Variants in SNX19 observed in about 807,000 individuals in gnomAD.
The protein encoded by SNX19 is sorting nexin 19.
Under a neutral mutation model 85.2 loss-of-function variants are expected in SNX19, and 60 were observed. That is an observed-to-expected ratio of 0.70 (90% confidence interval 0.57 to 0.87). The LOEUF (loss-of-function observed/expected upper bound fraction) is 0.87. Among genes scored for constraint, SNX19 ranks in the 40% least tolerant of loss-of-function variants. The pLI is 0.00. For synonymous variants in SNX19, 520 were observed against 470.0 expected (o/e 1.11, Z -1.38); for missense variants, 1,201 against 1,217.8 (o/e 0.99, Z 0.21).
Position 130,877,017 on chromosome 11 carries a change from C to T in SNX19, c.*1405G>A, listed in dbSNP as rs1207639535. On this transcript the variant is annotated 3_prime_UTR_variant, in exon 11 of 11. Coordinates refer to ENST00000265909, the MANE Select transcript of SNX19 (RefSeq NM_014758.3). ...ACCACTTTAATTGTGTGCTCATCACCGACTTCAGAATCTAAGAGAACTTTG... is the reference window on the plus strand; with the variant it reads ...ACCACTTTAATTGTGTGCTCATCACTGACTTCAGAATCTAAGAGAACTTTG... 2.6e-5 allele frequency: 4 copies of T among 152,200 alleles called. No individual in the cohort carries two copies. Among genetic ancestry groups the T allele is most frequent in the Admixed American group, 1.3e-4 (2 of 15,282 alleles). The allele number at this position is 152,200 out of a possible 1,614,324, so 9.4% of individuals were successfully genotyped here.
rs749101712 is a variant in SNX19, at chr11:130,915,168, C to A, written c.772G>T (p.Asp258Tyr). 171 of 1,614,080 alleles carry A rather than the reference C, an allele frequency of 1.1e-4. 1 individual carries two copies. The highest frequency in any genetic ancestry group is 9.0e-4 in the Admixed American group (54 of 60,006). ...LPLISRLSDPDWIHLVLVGIF... is the reference protein window; with the variant it reads ...LPLISRLSDPYWIHLVLVGIF... ...CCCACGAGTACAAGGTGGATCCAGT[C>A]AGGATCTGACAGCCTGCTGATCAGT... Residue 258 changes from aspartate to tyrosine, a missense_variant, in exon 1 of 11, where the codon GAC becomes TAC. Transcript: ENST00000265909.
At chr11:130,885,252 C>T (rs571457847) in intron 8 of SNX19, among the ~76,000 whole-genome samples, 3 of 152,296 alleles carry the variant, frequency 2.0e-5, no homozygotes, top group African/African-American at 7.2e-5. Context: ...TTATGCCAGA[C>T]AGGGGAGAAG....
rs778240108 is a variant in SNX19, at chr11:130,914,848, G to A, written c.1092C>T (p.Pro364=). ...SHFLQPNVRG[P]LFLCEDSELE... ...GCTCTGAGTCTTCACATAAGAACAG[G>A]GGACCTCGAACATTTGGCTGTAGGA... Residue 364 remains proline, a synonymous_variant, in exon 1 of 11, where the codon CCC becomes CCT. Coordinates refer to ENST00000265909, the MANE Select transcript of SNX19 (RefSeq NM_014758.3). The A allele has an allele frequency of 6.2e-7, 1 of 1,614,142 alleles. No individual in the cohort carries two copies. Among genetic ancestry groups the A allele is most frequent in the Non-Finnish European group, 8.5e-7 (1 of 1,180,016 alleles).
In SNX19 at chr11:130,875,785, T is replaced by A. The variant is rs578201029; in HGVS notation, c.*2637A>T. 6.6e-6 allele frequency: 1 copy of A among 152,144 alleles called. No homozygotes were observed. Among genetic ancestry groups the A allele is most frequent in the Non-Finnish European group, 1.5e-5 (1 of 68,038 alleles). The allele number at this position is 152,144 out of a possible 1,614,324, so 9.4% of individuals were successfully genotyped here. ...GTGCAGCACACCAACACGGCACATG[T>A]ATACATATGCAACAAACCTGCATGT... On this transcript the variant is annotated 3_prime_UTR_variant, in exon 11 of 11. Transcript: ENST00000265909.
chr11:130,898,140 C>T (rs1333078017), intron 8 of SNX19, among the ~76,000 whole-genome samples: 2 of 139,564 alleles, frequency 1.4e-5, no homozygotes, highest in Non-Finnish European at 3.1e-5. Flanking sequence ...GTTATGAGGT[C>T]GAACTTACTC....
rs1368876807 is a variant in SNX19, at chr11:130,870,549, T to C, written c.*7873A>G. On this transcript the variant is annotated 3_prime_UTR_variant, in exon 11 of 11. Transcript: ENST00000265909. ...TGTCTGGGGCAGGTCTGGTACAGACTAGCCAGTGCCCTCCACTGGAATAAG... is the reference window on the plus strand; with the variant it reads ...TGTCTGGGGCAGGTCTGGTACAGACCAGCCAGTGCCCTCCACTGGAATAAG... Among the ~76,000 whole-genome samples the C allele has an allele frequency of 6.6e-6, 1 of 152,232 alleles. No homozygotes were observed. Among genetic ancestry groups the C allele is most frequent in the Non-Finnish European group, 1.5e-5 (1 of 68,036 alleles).
rs754364825 is a variant in SNX19 at position 130,911,696 on chromosome 11, G to T, written c.1750C>A (p.Arg584=). 6.2e-7 allele frequency: 1 copy of T among 1,614,148 alleles called. No homozygotes were observed. The change falls in exon 2 of 11, where the codon CGG becomes AGG. Residue 584 remains arginine (R), a synonymous_variant. Coordinates refer to ENST00000265909, the MANE Select transcript of SNX19 (RefSeq NM_014758.3). ...LAYHTVNRRY[R]EFLNLQTRLE... ...CGGGTCTGCAGATTCAAGAACTCCC[G>T]ATAGCGACGATTCACAGTGTGGTAG...
chr11:130,899,406 T>G (rs774993014), intron 8 of SNX19, among the ~76,000 whole-genome samples: 9 of 152,284 alleles, frequency 5.9e-5, no homozygotes, highest in South Asian at 2.1e-4. Flanking sequence ...GCTTCCTATC[T>G]TAAGGAGGCT....
intron 8 of SNX19, among the ~76,000 whole-genome samples, chr11:130,886,472 C>G (rs1944081855): frequency 6.6e-6 from 1 of 152,098 alleles, no homozygotes. Flanking sequence ...GTAGGAGAAG[C>G]CCAAGCCACA....
rs747233151 is a variant in SNX19, at chr11:130,916,142, G to C, written c.-203C>G. 83 of 589,978 alleles carry C rather than the reference G, an allele frequency of 1.4e-4. No homozygotes were observed. The highest frequency in any genetic ancestry group is 9.0e-4 in the Middle Eastern group (2 of 2,224). The allele number at this position is 589,978 out of a possible 1,614,324, so 36.5% of individuals were successfully genotyped here. A position where few individuals can be genotyped will look rare whatever the true frequency, so the allele number is the denominator to read the frequency against. Reference sequence around the variant, plus strand: ...CGTCTCCCCATGGCTACCACTAACAGAGCCCTCCAACTCGCCCCTTCCAGC... The same window carrying C: ...CGTCTCCCCATGGCTACCACTAACACAGCCCTCCAACTCGCCCCTTCCAGC... On this transcript the variant is annotated 5_prime_UTR_variant, in exon 1 of 11. Coordinates refer to ENST00000265909, the MANE Select transcript of SNX19 (RefSeq NM_014758.3).
Position 130,869,252 on chromosome 11 carries a change from TTAAGA to T in SNX19, c.*9165_*9169del, listed in dbSNP as rs1942915257. On this transcript the variant is annotated 3_prime_UTR_variant, in exon 11 of 11. Transcript: ENST00000265909. ...GTCAAGCTGTGCGGGTCCAGCCAAT[TTAAGA>T]TAAACTCTGTTTAATTACATTTTAC... 1 of 152,212 alleles carries T rather than the reference TTAAGA, an allele frequency of 6.6e-6. No homozygotes were observed. Among genetic ancestry groups the T allele is most frequent in the African/African-American group, 2.4e-5 (1 of 41,454 alleles). 9.4% of individuals were successfully genotyped at this position (152,212 alleles called of 1,614,324 possible).
intron 5 of SNX19, 106 bp downstream of exon 5, chr11:130,907,847 C>T: frequency 6.6e-7 from 1 of 1,522,560 alleles, no homozygotes; most frequent in Non-Finnish European, 8.9e-7. Flanking sequence ...TATGTCTGAC[C>T]CACCTCCTTT....
At position 130,875,136 on chromosome 11, in the gene SNX19, A is replaced by G. The variant is rs750099149; in HGVS notation, c.*3286T>C. Among the ~76,000 whole-genome samples, 11 of 152,252 alleles carry G rather than the reference A, an allele frequency of 7.2e-5. No homozygotes were observed. The highest frequency in any genetic ancestry group is 1.6e-4 in the Non-Finnish European group (11 of 68,044). Reference sequence around the variant, plus strand: ...CTAAATGTCCCTCAATGAATGAACAAAGAAAATGTGGCATAGCCATACAAT... The same window carrying G: ...CTAAATGTCCCTCAATGAATGAACAGAGAAAATGTGGCATAGCCATACAAT... On this transcript the variant is annotated 3_prime_UTR_variant, in exon 11 of 11. Transcript: ENST00000265909.
chr11:130,913,698 T>A (rs1404216102), intron 1 of SNX19, among the ~76,000 whole-genome samples: 1 of 152,224 alleles, frequency 6.6e-6, no homozygotes, highest in East Asian at 1.9e-4. Context: ...CATTTTGTAC[T>A]TTGTTTTAGG....
chr11:130,879,576 G>C (rs1430231717), intron 10 of SNX19, 48 bp downstream of exon 10: 9 of 1,520,160 alleles, frequency 5.9e-6, no homozygotes, highest in Non-Finnish European at 8.2e-6. Flanking sequence ...TCTGAGACCA[G>C]AGGTGGCTGT....
intron 2 of SNX19, among the ~76,000 whole-genome samples, chr11:130,911,031 C>T (rs949590130): frequency 6.6e-6 from 1 of 151,946 alleles, no homozygotes; most frequent in African/African-American, 2.4e-5. Context: ...CCCATCTCTA[C>T]TAAAAATACA....
intron 1 of SNX19, among the ~76,000 whole-genome samples, chr11:130,912,780 G>A (rs532783729): frequency 6.6e-6 from 1 of 152,300 alleles, no homozygotes; most frequent in African/African-American, 2.4e-5. Context: ...GGGCTCTCAA[G>A]CCTGGAGCAT....
intron 8 of SNX19, among the ~76,000 whole-genome samples, chr11:130,897,857 G>C (rs3794132): frequency 0.64 from 97,643 of 152,122 alleles, 31,912 homozygotes; most frequent in South Asian, 0.8. Context: ...TTGGCTCAGA[G>C]TGCTACCCGC....
Position 130,907,942 on chromosome 11 carries a change from G to GCA in SNX19, c.2165+10_2165+11insTG, listed in dbSNP as rs1291160491. 6.2e-7 allele frequency: 1 copy of GCA among 1,613,128 alleles called. No homozygotes were observed. On this transcript the variant is annotated intron_variant, in intron 5 of 10. Coordinates refer to ENST00000265909, the MANE Select transcript of SNX19 (RefSeq NM_014758.3). Reference sequence around the variant, plus strand: ...TGGGGAAAGGTCCCTGGGTAACTGAGGGCTTCTCACTTGCTAGCCTTCTTG... The same window carrying GCA: ...TGGGGAAAGGTCCCTGGGTAACTGAGCAGGCTTCTCACTTGCTAGCCTTCTTG...
Sources: gnomAD v4.1 joint callset for allele counts (sites outside exome capture counted in the v4.1 genomes callset) on GRCh38, gnomAD v4.1.1 for gene constraint, MANE v1.5 for transcripts, NCBI Gene and HGNC (gene_info 2026-07-23, HGNC 2026-07-21) for gene names.